WWOX: variants seen among roughly 807,000 people sequenced by gnomAD.
WWOX encodes WW domain-containing oxidoreductase.
In WWOX, 69 loss-of-function variants were observed where a neutral mutation model predicts 46.2. The ratio of observed to expected loss-of-function variants is 1.49; its 90% CI spans 1.23 to 1.82. The LOEUF is 1.82. Among genes scored for constraint, WWOX ranks in the 40% most tolerant of loss-of-function variants. The pLI is 0.00. For missense variants in WWOX, 919 were observed against 542.6 expected (o/e 1.69, Z -6.89); for synonymous variants, 359 against 202.6 (o/e 1.77, Z -6.56).
intron 8 of WWOX, among the ~76,000 whole-genome samples, chr16:78,623,170 C>T (rs940734746): frequency 3.3e-5 from 5 of 151,460 alleles, no homozygotes; most frequent in African/African-American, 1.2e-4. Context: ...CTCAGCCATG[C>T]CCAGACTCCT....
chr16:78,803,953 C>G (rs1433513136), intron 8 of WWOX, among the ~76,000 whole-genome samples: 2 of 152,030 alleles, frequency 1.3e-5, no homozygotes, highest in Admixed American at 6.6e-5. Flanking sequence ...ACTTCATGAT[C>G]TTGGAAGAAG....
At chr16:78,667,896 T>A (rs912997704) in intron 8 of WWOX, among the ~76,000 whole-genome samples, 1 of 152,130 alleles carries the variant, frequency 6.6e-6, no homozygotes, top group Non-Finnish European at 1.5e-5. Context: ...GTGTTCCTTA[T>A]CTGTTTCTAG....
At chr16:79,017,796 C>T (rs528557313) in intron 8 of WWOX, among the ~76,000 whole-genome samples, 2 of 152,058 alleles carry the variant, frequency 1.3e-5, no homozygotes, top group South Asian at 2.1e-4. Flanking sequence ...CCATTATTTG[C>T]ATAACAAATT....
At chr16:79,196,865 G>C (rs566340270) in intron 8 of WWOX, among the ~76,000 whole-genome samples, 6 of 152,314 alleles carry the variant, frequency 3.9e-5, no homozygotes, top group South Asian at 2.1e-4. Context: ...AGGTCTGGCA[G>C]ATCTGGATCT....
intron 8 of WWOX, among the ~76,000 whole-genome samples, chr16:78,611,332 C>T (rs553322495): frequency 2.6e-5 from 4 of 152,282 alleles, no homozygotes; most frequent in African/African-American, 9.6e-5. Flanking sequence ...TTAGATAATA[C>T]AAAAATAACA....
chr16:78,217,323 A>C (rs1455633268), intron 5 of WWOX, among the ~76,000 whole-genome samples: 4 of 152,100 alleles, frequency 2.6e-5, no homozygotes, highest in African/African-American at 7.2e-5. Context: ...AGCTGATTGC[A>C]CTCCTACTTT....
At chr16:78,698,723 C>G (rs2048151023) in intron 8 of WWOX, among the ~76,000 whole-genome samples, 1 of 152,156 alleles carries the variant, frequency 6.6e-6, no homozygotes, top group African/African-American at 2.4e-5. Context: ...CCCCTGTAGT[C>G]CCATCTACTA....
rs565110715 is a variant in WWOX at position 78,680,936 on chromosome 16, C to A, written c.1056+248184C>A. On this transcript the variant is annotated intron_variant, in intron 8 of 8. Transcript: ENST00000566780. ...GACCAGCCTGGGTAACATAGTGAGA[C>A]CCTCTGTCTACAAAAAACTAAAAAA... Among the ~76,000 whole-genome samples the A allele has an allele frequency of 3.3e-5, 5 of 152,144 alleles. No homozygotes were observed. In the South Asian group the frequency reaches 6.2e-4, roughly 19 times the overall value.
chr16:78,944,724 T>C (rs773269226), intron 8 of WWOX, among the ~76,000 whole-genome samples: 1 of 152,150 alleles, frequency 6.6e-6, no homozygotes, highest in Non-Finnish European at 1.5e-5. Flanking sequence ...TGAGACCTCC[T>C]AGGACTGCAC....
At chr16:78,854,645 A>T (rs1307357686) in intron 8 of WWOX, among the ~76,000 whole-genome samples, 1 of 152,154 alleles carries the variant, frequency 6.6e-6, no homozygotes, top group African/African-American at 2.4e-5. Context: ...CAGTGGCGCG[A>T]TCTCAGCTGA....
At chr16:79,089,018 G>C (rs1329638753) in intron 8 of WWOX, among the ~76,000 whole-genome samples, 1 of 152,164 alleles carries the variant, frequency 6.6e-6, no homozygotes, top group African/African-American at 2.4e-5. Flanking sequence ...TGTCAGGAAT[G>C]AAGCCAATTT....
chr16:79,106,148 T>G (rs2049303606), intron 8 of WWOX, among the ~76,000 whole-genome samples: 1 of 152,218 alleles, frequency 6.6e-6, no homozygotes, highest in Admixed American at 6.5e-5. Context: ...CCAGACCTAC[T>G]GCGTCTGGGG....
At chr16:78,751,935 C>G (rs116339192) in intron 8 of WWOX, among the ~76,000 whole-genome samples, 1,589 of 152,240 alleles carry the variant, frequency 0.01, 29 homozygotes, top group African/African-American at 0.036. Context: ...CCAACTGTGT[C>G]TTTCTTCTGG....
intron 8 of WWOX, among the ~76,000 whole-genome samples, chr16:78,688,110 C>G (rs1010667866): frequency 3.3e-5 from 5 of 150,128 alleles, no homozygotes; most frequent in African/African-American, 9.8e-5. Context: ...GTTATTATTT[C>G]TATATATCTT....
At chr16:79,025,235 G>C (rs1022950091) in intron 8 of WWOX, among the ~76,000 whole-genome samples, 1 of 152,186 alleles carries the variant, frequency 6.6e-6, no homozygotes, top group African/African-American at 2.4e-5. Flanking sequence ...TTAGCTGAGA[G>C]GCTCTTGCAG....
chr16:78,175,879 T>C (rs535021292), intron 5 of WWOX, among the ~76,000 whole-genome samples: 5 of 151,926 alleles, frequency 3.3e-5, no homozygotes, highest in African/African-American at 1.2e-4. Flanking sequence ...GGACAGTGAG[T>C]TCTAAGGATA....
Position 79,211,599 on chromosome 16 carries a change from G to T in WWOX, c.1057-9G>T. ...AAATTTTTTTTTGTCTTTCTTCTTGGATTTCCAGCAACAGGGAGCTGCCAC... is the reference window on the plus strand; with the variant it reads ...AAATTTTTTTTTGTCTTTCTTCTTGTATTTCCAGCAACAGGGAGCTGCCAC... On this transcript the variant is annotated splice_polypyrimidine_tract_variant and intron_variant, in intron 8 of 8. Transcript: ENST00000566780. 2 of 1,614,164 alleles carry T rather than the reference G, an allele frequency of 1.2e-6. No individual in the cohort carries two copies. Among genetic ancestry groups the T allele is most frequent in the Non-Finnish European group, 1.7e-6 (2 of 1,180,034 alleles).
At chr16:78,331,848 C>A (rs1415480689) in intron 5 of WWOX, among the ~76,000 whole-genome samples, 1 of 152,184 alleles carries the variant, frequency 6.6e-6, no homozygotes, top group African/African-American at 2.4e-5. Context: ...AACAACGTGT[C>A]AGATGTCTGT....
At chr16:78,934,915 C>G (rs1373069201) in intron 8 of WWOX, among the ~76,000 whole-genome samples, 4 of 152,156 alleles carry the variant, frequency 2.6e-5, no homozygotes, top group Non-Finnish European at 2.9e-5. Flanking sequence ...GCCTGAGCAA[C>G]ATGGTGAAAC....
Sources: gnomAD v4.1 joint callset for allele counts (sites outside exome capture counted in the v4.1 genomes callset) on GRCh38, gnomAD v4.1.1 for gene constraint, MANE v1.5 for transcripts, NCBI Gene and HGNC (gene_info 2026-07-23, HGNC 2026-07-21) for gene names.